GLS: variants seen among roughly 807,000 people sequenced by gnomAD.
The protein encoded by GLS is glutaminase kidney isoform, mitochondrial.
In GLS, 36 loss-of-function variants were observed where a neutral mutation model predicts 86.7. The ratio of observed to expected loss-of-function variants is 0.42; its 90% CI spans 0.32 to 0.55. The LOEUF (loss-of-function observed/expected upper bound fraction) is 0.55. GLS is among the 20% of genes least tolerant of loss of function. GLS has a pLI of 0.17. For missense variants in GLS, 528 were observed against 833.4 expected (o/e 0.63, Z 4.51); for synonymous variants, 317 against 305.9 (o/e 1.04, Z -0.38).
intron 1 of GLS, among the ~76,000 whole-genome samples, chr2:190,885,308 C>T (rs1688338736): frequency 6.6e-6 from 1 of 152,004 alleles, no homozygotes; most frequent in African/African-American, 2.4e-5. Context: ...TCTCCTGCCT[C>T]AGCCTCCCGA....
intron 11 of GLS, 179 bp from the exon 12 acceptor site, chr2:190,927,127 A>G: frequency 1.9e-6 from 1 of 535,122 alleles, no homozygotes. Flanking sequence ...GGTAAATCTT[A>G]AAAGTGGGTA....
At chr2:190,950,421 G>T (rs1690689454) in intron 14 of GLS, among the ~76,000 whole-genome samples, 1 of 152,136 alleles carries the variant, frequency 6.6e-6, no homozygotes, top group Admixed American at 6.6e-5. Flanking sequence ...TGATAGAGGT[G>T]GTGAGAAGTG....
At position 190,952,669 on chromosome 2, in the gene GLS, T is replaced by C. The variant is rs73979309; in HGVS notation, c.1651-896T>C. Among the ~76,000 whole-genome samples, 429 of 152,310 alleles carry C rather than the reference T, an allele frequency of 2.8e-3. 2 individuals carry two copies. The highest frequency in any genetic ancestry group is 9.5e-3 in the African/African-American group (394 of 41,574). ...GTTACTTTCCATTCCCCAGTTAAAC[T>C]TGTTTTCTACCATTGAGTCCAGTAT... On this transcript the variant is annotated intron_variant, in intron 14 of 17. Transcript: ENST00000320717.
chr2:190,949,721 G>A lies in GLS; in HGVS notation c.1651-3844G>A, dbSNP rs1690668238. 6.6e-6 allele frequency among the ~76,000 whole-genome samples: 1 copy of A among 151,974 alleles called. No individual in the cohort carries two copies. The highest frequency in any genetic ancestry group is 6.6e-5 in the Admixed American group (1 of 15,240). ...AAAATAAAATGCAGGGTTGGGGGCC[G>A]ATAGAGGAATTAATTTTGCAATTTA... On this transcript the variant is annotated intron_variant, in intron 14 of 17. Transcript: ENST00000320717. This position sits in a 1 kb window ranked among gnomAD's most constrained non-coding sequence, Gnocchi z 4.0.
Position 190,913,309 on chromosome 2 carries a change from A to G in GLS, c.1038+2988A>G. On this transcript the variant is annotated intron_variant, in intron 7 of 17. Coordinates refer to ENST00000320717, the MANE Select transcript of GLS (RefSeq NM_014905.5). This position sits in a 1 kb window ranked among gnomAD's most constrained non-coding sequence, Gnocchi z 6.1. The stretch of plus-strand genomic sequence containing the variant: ...AAGGAGCCTGTTGCATAAATTCTTA[A>G]CTACTAAGCTTATAGGAAAACTCCA... The G allele has an allele frequency of 7.9e-7, 1 of 1,260,486 alleles. No individual in the cohort carries two copies. The highest frequency in any genetic ancestry group is 1.0e-6 in the Non-Finnish European group (1 of 971,626). The allele number at this position is 1,260,486 out of a possible 1,614,324, so 78.1% of individuals were successfully genotyped here.
chr2:190,944,195 G>GGT (rs1690522436), intron 14 of GLS, among the ~76,000 whole-genome samples: 1 of 106,796 alleles, frequency 9.4e-6, no homozygotes, highest in Non-Finnish European at 2.6e-5. Context: ...CAATGGCCTG[G>GGT]ATTTTTTTTT....
chr2:190,919,409 C>T (rs1689661995), intron 7 of GLS, among the ~76,000 whole-genome samples: 1 of 151,970 alleles, frequency 6.6e-6, no homozygotes, highest in Admixed American at 6.6e-5. Context: ...CATGACAGCC[C>T]AATGAAGAAA....
intron 11 of GLS, 31 bp from the exon 12 acceptor site, chr2:190,927,275 G>A (rs1316386566): frequency 6.6e-7 from 1 of 1,525,362 alleles, no homozygotes; most frequent in Non-Finnish European, 8.9e-7. Flanking sequence ...ATTAAAAGTA[G>A]TATGAGAATT....
At chr2:190,958,675 T>C (rs1439978507) in intron 17 of GLS, among the ~76,000 whole-genome samples, 1 of 152,230 alleles carries the variant, frequency 6.6e-6, no homozygotes, top group African/African-American at 2.4e-5. Flanking sequence ...TTTTGTTATT[T>C]ACCCAGTAGT....
chr2:190,961,216 T>C (rs1048229228), intron 17 of GLS, among the ~76,000 whole-genome samples: 7 of 152,166 alleles, frequency 4.6e-5, no homozygotes, highest in African/African-American at 1.7e-4. Flanking sequence ...CGTGAATTCT[T>C]GAGATAGAGT....
rs397869711 is a variant in GLS at position 190,910,357 on chromosome 2, CTT to C, written c.1038+46_1038+47del. 118 of 971,960 alleles carry C rather than the reference CTT, an allele frequency of 1.2e-4. 1 individual carries two copies. Among genetic ancestry groups the C allele is most frequent in the South Asian group, 7.5e-4 (44 of 58,902 alleles). 60.2% of individuals were successfully genotyped at this position (971,960 alleles called of 1,614,324 possible). On this transcript the variant is annotated intron_variant, in intron 7 of 17. Coordinates refer to ENST00000320717, the MANE Select transcript of GLS (RefSeq NM_014905.5). The stretch of plus-strand genomic sequence containing the variant: ...GATGTTTCATTTTAACCTAGTAAAA[CTT>C]TTTTTTTTTAACAGCTAAGGCATAA...
intron 5 of GLS, among the ~76,000 whole-genome samples, chr2:190,902,501 C>T (rs1203205693): frequency 6.6e-6 from 1 of 152,134 alleles, no homozygotes; most frequent in Non-Finnish European, 1.5e-5. Flanking sequence ...TGTAGGATTT[C>T]ATGAAGTCCA....
chr2:190,934,125 G>T, intron 14 of GLS: 1 of 982,640 alleles, frequency 1.0e-6, no homozygotes, highest in Non-Finnish European at 1.2e-6. Flanking sequence ...TTTCAAGTTT[G>T]TTGAAACCTG....
Position 190,881,120 on chromosome 2 carries a change from C to A in GLS, c.36C>A (p.Asp12Glu), listed in dbSNP as rs772006721. 27 of 1,560,894 alleles carry A rather than the reference C, an allele frequency of 1.7e-5. No homozygotes were observed. The Admixed American group carries it at 4.8e-4, about 28-fold the overall frequency. ...MRLRGSGMLR[D>E]LLLRSPAGVS... ...TGCGAGGCTCGGGGATGCTGCGGGA[C>A]CTGCTCCTGCGGTCGCCCGCCGGCG... is the stretch of plus-strand genomic sequence containing the variant. Residue 12 changes from aspartate (D) to glutamate (E), a missense_variant, in exon 1 of 18, where the codon GAC becomes GAA. Asp to Glu is a conservative substitution (Grantham distance 45, BLOSUM62 2). This residue lies in a region of GLS where 224 missense variants were observed against 187.9 expected (regional missense o/e 1.19). Coordinates refer to ENST00000320717, the MANE Select transcript of GLS (RefSeq NM_014905.5).
intron 11 of GLS, among the ~76,000 whole-genome samples, chr2:190,925,311 C>T (rs1305710133): frequency 1.1e-4 from 16 of 152,096 alleles, no homozygotes; most frequent in Non-Finnish European, 1.5e-5. Context: ...TTCTTTGTTA[C>T]TACTCTATCC....
intron 14 of GLS, among the ~76,000 whole-genome samples, chr2:190,941,932 TG>T (rs1025685270): frequency 6.6e-6 from 1 of 152,094 alleles, no homozygotes; most frequent in African/African-American, 2.4e-5. Context: ...AAAATCTAAA[TG>T]TTTAATGTGC....
At chr2:190,894,838 G>T (rs12990256) in intron 1 of GLS, among the ~76,000 whole-genome samples, 3 of 152,026 alleles carry the variant, frequency 2.0e-5, no homozygotes, top group Admixed American at 2.0e-4. Context: ...TTTGTATTGG[G>T]TGATTGTACT....
At chr2:190,922,694 T>C (rs1689779952) in intron 9 of GLS, among the ~76,000 whole-genome samples, 1 of 152,142 alleles carries the variant, frequency 6.6e-6, no homozygotes, top group Non-Finnish European at 1.5e-5. Context: ...ATCTAAACTA[T>C]GTTGATGTTT....
chr2:190,933,008 A>G, intron 14 of GLS: 3 of 1,174,522 alleles, frequency 2.6e-6, no homozygotes, highest in Non-Finnish European at 3.2e-6. Context: ...TTTCCTTTTA[A>G]TCTTTGTATA....
Sources: gnomAD v4.1 joint callset for allele counts (sites outside exome capture counted in the v4.1 genomes callset) on GRCh38, gnomAD v4.1.1 for gene constraint, gnomAD v4.1.1 regional missense constraint, Gnocchi (gnomAD v3.1) non-coding constraint, MANE v1.5 for transcripts, NCBI Gene and HGNC (gene_info 2026-07-23, HGNC 2026-07-21) for gene names.